The following VPS54 variants were observed in gnomAD, a reference collection of about 807,000 sequenced individuals.
VPS54 encodes VPS54 subunit of GARP complex, also known as vacuolar protein sorting-associated protein 54.
A neutral mutation model predicts 121.5 loss-of-function variants in VPS54; 45 were observed. The observed-to-expected ratio is 0.37, with a 90% CI of 0.29 to 0.47. The LOEUF (loss-of-function observed/expected upper bound fraction) is 0.47, where lower values mean the gene tolerates loss of function less well. VPS54 is among the 20% of genes least tolerant of loss of function. The pLI is 0.99. For synonymous variants in VPS54, 371 were observed against 385.8 expected (o/e 0.96, Z 0.45); for missense variants, 1,090 against 1,131.4 (o/e 0.96, Z 0.52).
At chr2:63,927,675 G>A (rs1486420163) in intron 12 of VPS54, among the ~76,000 whole-genome samples, 4 of 152,144 alleles carry the variant, frequency 2.6e-5, no homozygotes, top group Non-Finnish European at 5.9e-5. Flanking sequence ...ACGAGCTGAC[G>A]GAAGTAGGCT....
intron 12 of VPS54, among the ~76,000 whole-genome samples, chr2:63,930,129 T>C (rs192029410): frequency 4.3e-4 from 65 of 152,056 alleles, no homozygotes; most frequent in African/African-American, 9.9e-4. Context: ...TTCCAATCAA[T>C]AGAAAAAGAG....
intron 18 of VPS54, among the ~76,000 whole-genome samples, chr2:63,912,955 A>G (rs1673218328): frequency 6.6e-6 from 1 of 152,128 alleles, no homozygotes; most frequent in African/African-American, 2.4e-5. Context: ...TTCACCCCCA[A>G]ATACTTTATA....
chr2:63,899,340 A>G, intron 21 of VPS54, 134 bp downstream of exon 21: 1 of 721,660 alleles, frequency 1.4e-6, no homozygotes, highest in African/African-American at 1.8e-5. Flanking sequence ...ACCAGTCAAT[A>G]TAACAATGTA....
rs537810152 is a variant in VPS54 at position 63,955,954 on chromosome 2, C to G, written c.1010+6104G>C. Among the ~76,000 whole-genome samples, 19 of 152,130 alleles carry G rather than the reference C, an allele frequency of 1.2e-4. No individual in the cohort carries two copies. The South Asian group carries it at 3.7e-3, about 30-fold the overall frequency. Reference sequence around the variant, plus strand: ...TAGAGTGGTGAATCTACTGAAATGACAACTAAAATATCACTTTCTGAAAAA... The same window carrying G: ...TAGAGTGGTGAATCTACTGAAATGAGAACTAAAATATCACTTTCTGAAAAA... On this transcript the variant is annotated intron_variant, in intron 7 of 22. Transcript: ENST00000272322.
At chr2:63,963,173 G>T (rs1675845577) in intron 6 of VPS54, among the ~76,000 whole-genome samples, 1 of 151,830 alleles carries the variant, frequency 6.6e-6, no homozygotes, top group Non-Finnish European at 1.5e-5. Context: ...TTTCAAAAGT[G>T]ATTCTTTTAT....
chr2:63,927,399 A>C (rs544243101), intron 12 of VPS54, among the ~76,000 whole-genome samples: 3 of 152,348 alleles, frequency 2.0e-5, no homozygotes, highest in African/African-American at 7.2e-5. Flanking sequence ...AGCAAACTCC[A>C]ACACACCTGC....
In VPS54 at chr2:63,947,447, T is replaced by G. The variant is rs1404256232; in HGVS notation, c.1181A>C (p.Lys394Thr). The G allele has an allele frequency of 1.3e-6, 2 of 1,548,510 alleles. No homozygotes were observed. Among genetic ancestry groups the G allele is most frequent in the South Asian group, 2.3e-5 (2 of 88,368 alleles). ...SLVFGLLKQRKLNFLEIYGEK... is the reference protein window; with the variant it reads ...SLVFGLLKQRTLNFLEIYGEK... Reference sequence around the variant, plus strand: ...ACCATAGATTTCTAAAAAATTAAGCTTTCTTTGTTTTAAAAGTCCAAATAC... The same window carrying G: ...ACCATAGATTTCTAAAAAATTAAGCGTTCTTTGTTTTAAAAGTCCAAATAC... Residue 394 changes from lysine (K) to threonine (T), a missense_variant, in exon 9 of 23, where the codon AAG becomes ACG. Lys to Thr is a moderately conservative substitution (Grantham distance 78). Coordinates refer to ENST00000272322, the MANE Select transcript of VPS54 (RefSeq NM_016516.3).
intron 1 of VPS54, among the ~76,000 whole-genome samples, chr2:64,001,850 TC>T (rs1293605656): frequency 6.6e-6 from 1 of 152,048 alleles, no homozygotes; most frequent in African/African-American, 2.4e-5. Flanking sequence ...GCACAAGCAC[TC>T]CCTTAGGTGT....
chr2:63,927,017 C>G (rs1673937148), intron 12 of VPS54, among the ~76,000 whole-genome samples: 1 of 152,178 alleles, frequency 6.6e-6, no homozygotes, highest in African/African-American at 2.4e-5. Context: ...TCAAACTGGG[C>G]AGAGCACACC....
At chr2:63,948,887 C>A in intron 8 of VPS54, 150 bp downstream of exon 8, 1 of 805,202 alleles carries the variant, frequency 1.2e-6, no homozygotes, top group Non-Finnish European at 1.9e-6. Context: ...ATGGTGCTTG[C>A]TCAAGTCACA....
At chr2:63,938,099 T>A (rs978016442) in intron 11 of VPS54, among the ~76,000 whole-genome samples, 7 of 148,874 alleles carry the variant, frequency 4.7e-5, no homozygotes, top group African/African-American at 1.7e-4. Flanking sequence ...GACAGGATCT[T>A]GCTAGGTTTG....
intron 1 of VPS54, among the ~76,000 whole-genome samples, chr2:63,993,624 T>C (rs1677435110): frequency 6.6e-6 from 1 of 152,260 alleles, no homozygotes; most frequent in Non-Finnish European, 1.5e-5. Context: ...TTAATTGTAG[T>C]TCCTTTAAAT....
At chr2:63,903,491 G>A (rs1289127804) in intron 20 of VPS54, among the ~76,000 whole-genome samples, 1 of 141,870 alleles carries the variant, frequency 7.0e-6, no homozygotes, top group Non-Finnish European at 1.5e-5. Context: ...TAAAAATGAG[G>A]ATAAATATAA....
intron 1 of VPS54, among the ~76,000 whole-genome samples, chr2:63,985,586 T>G (rs1575991223): frequency 6.6e-6 from 1 of 151,114 alleles, no homozygotes; most frequent in Non-Finnish European, 1.5e-5. Flanking sequence ...CAAAAGATAA[T>G]GAACACTGAA....
intron 1 of VPS54, among the ~76,000 whole-genome samples, chr2:63,995,653 T>C (rs1383171777): frequency 2.0e-5 from 3 of 152,228 alleles, no homozygotes; most frequent in Non-Finnish European, 1.5e-5. Context: ...AATTGGCTAA[T>C]CAAATTAATG....
At chr2:63,943,410 ACT>A (rs977749519) in intron 10 of VPS54, among the ~76,000 whole-genome samples, 1 of 152,046 alleles carries the variant, frequency 6.6e-6, no homozygotes, top group Non-Finnish European at 1.5e-5. Flanking sequence ...AGAAAAACTG[ACT>A]CTCCACATCC....
At chr2:64,011,429 G>C (rs993143731) in intron 1 of VPS54, among the ~76,000 whole-genome samples, 1 of 152,144 alleles carries the variant, frequency 6.6e-6, no homozygotes, top group Non-Finnish European at 1.5e-5. Flanking sequence ...AGCCGGGCAT[G>C]GTGGTGCACG....
intron 1 of VPS54, among the ~76,000 whole-genome samples, chr2:64,017,659 T>C (rs1248647871): frequency 1.3e-5 from 2 of 152,274 alleles, no homozygotes; most frequent in East Asian, 1.9e-4. Context: ...GCATTCTTTA[T>C]TTTAAAAACC....
At chr2:63,928,027 C>G (rs1245640368) in intron 12 of VPS54, among the ~76,000 whole-genome samples, 1 of 152,180 alleles carries the variant, frequency 6.6e-6, no homozygotes, top group African/African-American at 2.4e-5. Flanking sequence ...AAGACCAAAT[C>G]TACGTTTGAT....
Sources: gnomAD v4.1 joint callset for allele counts (sites outside exome capture counted in the v4.1 genomes callset) on GRCh38, gnomAD v4.1.1 for gene constraint, MANE v1.5 for transcripts, NCBI Gene and HGNC (gene_info 2026-07-23, HGNC 2026-07-21) for gene names.